The following LGR5 variants were observed in gnomAD, a reference collection of about 807,000 sequenced individuals.
The protein encoded by LGR5 is leucine-rich repeat-containing G protein-coupled receptor 5.
LGR5 carries 54 observed loss-of-function variants against 76.7 expected under a neutral mutation model. The observed-to-expected ratio is 0.70, with a 90% CI of 0.57 to 0.88. The LOEUF (loss-of-function observed/expected upper bound fraction) is 0.88. LGR5 is among the 40% of genes least tolerant of loss of function. The pLI is 0.00. For synonymous variants in LGR5, 406 were observed against 421.9 expected (o/e 0.96, Z 0.46); for missense variants, 1,078 against 1,073.3 (o/e 1.00, Z -0.06).
At chr12:71,503,251 CT>C (rs543630217) in intron 1 of LGR5, among the ~76,000 whole-genome samples, 1 of 152,082 alleles carries the variant, frequency 6.6e-6, no homozygotes, top group African/African-American at 2.4e-5. Context: ...AATTACTTGA[CT>C]TTTTTATCTA....
chr12:71,534,433 A>T (rs2137365735), intron 3 of LGR5, among the ~76,000 whole-genome samples: 1 of 152,366 alleles, frequency 6.6e-6, no homozygotes, highest in East Asian at 1.9e-4. Flanking sequence ...CAGAGAAGGG[A>T]GACAATTTTA....
intron 2 of LGR5, among the ~76,000 whole-genome samples, chr12:71,517,201 C>T (rs976821891): frequency 6.6e-6 from 1 of 152,178 alleles, no homozygotes; most frequent in Admixed American, 6.5e-5. Context: ...ACTAAAGCCA[C>T]CCCACATGGT....
chr12:71,566,847 A>G lies in LGR5; in HGVS notation c.1005A>G (p.Leu335=). The change falls in exon 11 of 18, where the codon TTA becomes TTG. Residue 335 remains leucine (L), a synonymous_variant. Transcript: ENST00000266674. ...CTGGTTTGTGTTTTAACAGGACTTT[A>G]ACTGGAGCACAGATCTCATCTCTTC... The part of the protein sequence containing the change: ...TGTANLESLT[L]TGAQISSLPQ... 6.2e-7 allele frequency: 1 copy of G among 1,613,500 alleles called. No individual in the cohort carries two copies. Among genetic ancestry groups the G allele is most frequent in the Non-Finnish European group, 8.5e-7 (1 of 1,179,414 alleles).
intron 1 of LGR5, among the ~76,000 whole-genome samples, chr12:71,459,163 G>C (rs993903265): frequency 6.6e-6 from 1 of 152,054 alleles, no homozygotes; most frequent in Non-Finnish European, 1.5e-5. Context: ...CCTCCTGTGA[G>C]ATCTGACCTA....
Position 71,469,050 on chromosome 12 carries a change from C to T in LGR5, c.212+28758C>T, listed in dbSNP as rs1209890734. Among the ~76,000 whole-genome samples the T allele has an allele frequency of 4.6e-5, 7 of 151,924 alleles. No individual in the cohort carries two copies. The East Asian group carries it at 5.8e-4, about 13-fold the overall frequency. ...AGATTTTGTTCAATTTTTGTATTTTCGTTTAGTTTAAATTTATGTTTAGTT... is the reference window on the plus strand; with the variant it reads ...AGATTTTGTTCAATTTTTGTATTTTTGTTTAGTTTAAATTTATGTTTAGTT... On this transcript the variant is annotated intron_variant, in intron 1 of 17. Transcript: ENST00000266674.
At chr12:71,564,994 TAC>T (rs1209467893) in intron 8 of LGR5, among the ~76,000 whole-genome samples, 2 of 140,366 alleles carry the variant, frequency 1.4e-5, no homozygotes, top group South Asian at 2.3e-4. Flanking sequence ...TATATATATA[TAC>T]GTACATGTAT....
At chr12:71,549,498 T>C (rs950343036) in intron 4 of LGR5, among the ~76,000 whole-genome samples, 1 of 152,222 alleles carries the variant, frequency 6.6e-6, no homozygotes, top group African/African-American at 2.4e-5. Context: ...ATATGTTAAT[T>C]AGCTTGATTT....
At chr12:71,493,943 A>ATT (rs547681278) in intron 1 of LGR5, among the ~76,000 whole-genome samples, 56 of 116,576 alleles carry the variant, frequency 4.8e-4, no homozygotes, top group Admixed American at 1.0e-3. Context: ...TAATTTTTTG[A>ATT]TTTTTTTTTT....
chr12:71,571,452 A>C, intron 11 of LGR5, 62 bp from the exon 12 acceptor site: 1 of 1,252,724 alleles, frequency 8.0e-7, no homozygotes, highest in East Asian at 2.3e-5. Context: ...AGGAGAGCAA[A>C]GCATGTTTCT....
At chr12:71,466,875 A>G (rs889239045) in intron 1 of LGR5, among the ~76,000 whole-genome samples, 2 of 152,188 alleles carry the variant, frequency 1.3e-5, no homozygotes, top group African/African-American at 4.8e-5. Flanking sequence ...CTCCTTGGAA[A>G]TAGGCAGAAT....
At chr12:71,544,660 A>G (rs1386319289) in intron 4 of LGR5, among the ~76,000 whole-genome samples, 1 of 152,048 alleles carries the variant, frequency 6.6e-6, no homozygotes, top group African/African-American at 2.4e-5. Context: ...CGATAGTATT[A>G]TAATAGTTCT....
chr12:71,510,827 C>G (rs543228996), intron 2 of LGR5, among the ~76,000 whole-genome samples: 1 of 152,044 alleles, frequency 6.6e-6, no homozygotes, highest in South Asian at 2.1e-4. Context: ...GAGCCTGGAG[C>G]TGAGATACAG....
At chr12:71,481,745 A>G (rs1873614346) in intron 1 of LGR5, among the ~76,000 whole-genome samples, 1 of 152,208 alleles carries the variant, frequency 6.6e-6, no homozygotes. Flanking sequence ...TAGGGACAAC[A>G]ATGGGAGTTT....
intron 11 of LGR5, chr12:71,571,304 A>G: frequency 2.4e-6 from 1 of 413,246 alleles, no homozygotes; most frequent in Non-Finnish European, 4.3e-6. Context: ...AATCAATTAA[A>G]GAAGTATAAC....
chr12:71,488,727 T>C (rs1021360629), intron 1 of LGR5, among the ~76,000 whole-genome samples: 4 of 152,198 alleles, frequency 2.6e-5, no homozygotes, highest in African/African-American at 9.6e-5. Context: ...TTGGGGTTGA[T>C]CTAATTGCAA....
intron 1 of LGR5, among the ~76,000 whole-genome samples, chr12:71,475,623 A>G (rs969915314): frequency 1.3e-5 from 2 of 152,174 alleles, no homozygotes; most frequent in African/African-American, 4.8e-5. Context: ...TCCTACCAGA[A>G]ATGCTTTTCC....
At chr12:71,451,305 T>C (rs1872241897) in intron 1 of LGR5, among the ~76,000 whole-genome samples, 1 of 152,204 alleles carries the variant, frequency 6.6e-6, no homozygotes, top group African/African-American at 2.4e-5. Context: ...CAGTCTCTTT[T>C]CACATCCAGT....
intron 1 of LGR5, among the ~76,000 whole-genome samples, chr12:71,452,686 T>C (rs1427947318): frequency 2.6e-5 from 4 of 152,206 alleles, no homozygotes; most frequent in African/African-American, 9.6e-5. Context: ...AAAATAGTTG[T>C]TACTATCAAC....
intron 2 of LGR5, among the ~76,000 whole-genome samples, chr12:71,516,455 C>T (rs1419315405): frequency 2.0e-5 from 3 of 152,094 alleles, no homozygotes; most frequent in African/African-American, 7.2e-5. Context: ...CCATGGTTTC[C>T]TGCACAATAA....
Sources: allele counts gnomAD v4.1 joint callset (sites outside exome capture counted in the v4.1 genomes callset), GRCh38; gene constraint gnomAD v4.1.1; transcripts MANE v1.5; gene names NCBI Gene and HGNC (gene_info 2026-07-23, HGNC 2026-07-21).